ATL2: variants seen among roughly 807,000 people sequenced by gnomAD.
The protein encoded by ATL2 is atlastin-2.
Under a neutral mutation model 73.9 loss-of-function variants are expected in ATL2, and 31 were observed. The ratio of observed to expected loss-of-function variants is 0.42; its 90% confidence interval spans 0.32 to 0.57. The LOEUF (loss-of-function observed/expected upper bound fraction) is 0.57. ATL2 is among the 20% of genes least tolerant of loss of function. ATL2 has a pLI of 0.14. For synonymous variants in ATL2, 291 were observed against 237.5 expected (o/e 1.23, Z -2.07); for missense variants, 738 against 702.6 (o/e 1.05, Z -0.57).
At chr2:38,317,823 C>T (rs561430540) in intron 4 of ATL2, among the ~76,000 whole-genome samples, 1 of 151,894 alleles carries the variant, frequency 6.6e-6, no homozygotes, top group South Asian at 2.1e-4. Flanking sequence ...GTATGTATTC[C>T]ATAATGAAAA....
At chr2:38,296,909 GAT>G (rs1471586884) in intron 12 of ATL2, among the ~76,000 whole-genome samples, 1 of 152,106 alleles carries the variant, frequency 6.6e-6, no homozygotes, top group African/African-American at 2.4e-5. Flanking sequence ...CTCAAAAGAA[GAT>G]ATTGTACAAT....
chr2:38,309,693 T>A (rs1667641921), intron 8 of ATL2, among the ~76,000 whole-genome samples, 187 bp from the exon 9 acceptor site: 1 of 152,054 alleles, frequency 6.6e-6, no homozygotes, highest in Non-Finnish European at 1.5e-5. Flanking sequence ...TCCCCCTTAC[T>A]CTACTAGCCC....
chr2:38,358,710 T>C, intron 1 of ATL2: 1 of 164,608 alleles, frequency 6.1e-6, no homozygotes. Flanking sequence ...AAAAAATTAT[T>C]TTAAAACGTT....
chr2:38,376,641 G>C (rs1292585707), intron 1 of ATL2: 1 of 152,778 alleles, frequency 6.5e-6, no homozygotes, highest in Non-Finnish European at 1.5e-5. Flanking sequence ...TCTGCTCCCC[G>C]CGCGACCTCC....
intron 1 of ATL2, among the ~76,000 whole-genome samples, chr2:38,357,356 T>C (rs114468456): frequency 0.04 from 6,040 of 150,642 alleles, 159 homozygotes; most frequent in African/African-American, 0.075. Flanking sequence ...AAAAAGTTTA[T>C]AGTTACTATA....
chr2:38,298,675 A>G, intron 11 of ATL2, 100 bp from the exon 12 acceptor site: 3 of 1,238,316 alleles, frequency 2.4e-6, no homozygotes, highest in South Asian at 3.0e-5. Context: ...AACCACTTAC[A>G]TGATTGAGTC....
intron 2 of ATL2, among the ~76,000 whole-genome samples, chr2:38,329,189 G>C (rs905920150): frequency 4.7e-5 from 7 of 149,870 alleles, no homozygotes; most frequent in African/African-American, 1.5e-4. Flanking sequence ...CACTTTGGGA[G>C]GCCGAGATGG....
intron 2 of ATL2, among the ~76,000 whole-genome samples, chr2:38,330,300 A>T (rs561878076): frequency 5.7e-4 from 87 of 152,170 alleles, no homozygotes; most frequent in African/African-American, 1.9e-3. Context: ...CCTACAGCTA[A>T]CATAGTAGTG....
At chr2:38,296,969 A>T (rs957094758) in intron 12 of ATL2, among the ~76,000 whole-genome samples, 1 of 152,248 alleles carries the variant, frequency 6.6e-6, no homozygotes, top group Non-Finnish European at 1.5e-5. Context: ...TAAAATAGCT[A>T]ATTTTTTCTT....
At chr2:38,319,936 C>T (rs1041127893) in intron 2 of ATL2, among the ~76,000 whole-genome samples, 1 of 152,030 alleles carries the variant, frequency 6.6e-6, no homozygotes, top group African/African-American at 2.4e-5. Context: ...GGCGAAACTC[C>T]ATCTCTACTA....
At chr2:38,308,500 G>A (rs191479121) in intron 9 of ATL2, among the ~76,000 whole-genome samples, 1 of 151,758 alleles carries the variant, frequency 6.6e-6, no homozygotes, top group Non-Finnish European at 1.5e-5. Flanking sequence ...ATGGTTAATG[G>A]GTACAAAAAT....
chr2:38,298,108 G>C (rs9678942), intron 12 of ATL2, 36 bp downstream of exon 12: 2 of 1,539,152 alleles, frequency 1.3e-6, no homozygotes, highest in South Asian at 2.5e-5. Context: ...AGGAAAATAA[G>C]ATTAGTCACT....
At chr2:38,361,224 C>T (rs1215367812) in intron 1 of ATL2, among the ~76,000 whole-genome samples, 2 of 151,694 alleles carry the variant, frequency 1.3e-5, no homozygotes, top group Admixed American at 1.3e-4. Flanking sequence ...CGTGGTGGCA[C>T]ACACCTGTAG....
chr2:38,351,745 C>T (rs988305561), intron 1 of ATL2, among the ~76,000 whole-genome samples: 4 of 151,852 alleles, frequency 2.6e-5, no homozygotes, highest in East Asian at 2.0e-4. Flanking sequence ...CACCCGCCTC[C>T]GCCTCCCAAA....
At chr2:38,327,873 T>G (rs963546506) in intron 2 of ATL2, among the ~76,000 whole-genome samples, 3 of 152,024 alleles carry the variant, frequency 2.0e-5, no homozygotes, top group African/African-American at 2.4e-5. Flanking sequence ...GAGGCGGAGG[T>G]TGCAGTGAGC....
intron 1 of ATL2, among the ~76,000 whole-genome samples, chr2:38,366,264 T>C (rs1050582000): frequency 3.9e-5 from 6 of 152,212 alleles, no homozygotes; most frequent in Non-Finnish European, 8.8e-5. Context: ...AGTTTTTAAG[T>C]TGCATTTTGA....
At chr2:38,334,789 T>G (rs1375576769) in intron 2 of ATL2, among the ~76,000 whole-genome samples, 1 of 143,348 alleles carries the variant, frequency 7.0e-6, no homozygotes, top group Non-Finnish European at 1.5e-5. Flanking sequence ...TTATCAGCAT[T>G]TTGTTACATA....
intron 4 of ATL2, 71 bp downstream of exon 4, chr2:38,318,464 C>T: frequency 8.4e-7 from 1 of 1,197,580 alleles, no homozygotes; most frequent in Non-Finnish European, 1.2e-6. Flanking sequence ...GAAACTCTGT[C>T]TCAAAAAAGA....
At chr2:38,351,148 T>C (rs1002698434) in intron 1 of ATL2, among the ~76,000 whole-genome samples, 2 of 144,922 alleles carry the variant, frequency 1.4e-5, no homozygotes, top group Non-Finnish European at 2.9e-5. Flanking sequence ...TTCAGTCTAC[T>C]TATAAAAAAA....
Sources: allele counts gnomAD v4.1 joint callset (sites outside exome capture counted in the v4.1 genomes callset), GRCh38; gene constraint gnomAD v4.1.1; transcripts MANE v1.5; gene names NCBI Gene and HGNC (gene_info 2026-07-23, HGNC 2026-07-21).